The following ARHGAP15 variants were observed in gnomAD, a reference collection of about 807,000 sequenced individuals.
The protein encoded by ARHGAP15 is rho GTPase-activating protein 15.
In ARHGAP15, 51 loss-of-function variants were observed where a neutral mutation model predicts 63.7. That is an observed-to-expected ratio of 0.80 (90% confidence interval 0.64 to 1.01). The LOEUF (loss-of-function observed/expected upper bound fraction) is 1.01, where lower values mean the gene tolerates loss of function less well. Ranked by LOEUF, ARHGAP15 falls within the 50% of genes least tolerant of loss-of-function variation. The pLI is 0.00. For missense variants in ARHGAP15, 560 were observed against 564.6 expected (o/e 0.99, Z 0.08); for synonymous variants, 191 against 193.8 (o/e 0.99, Z 0.12).
At chr2:143,534,549 A>C (rs35211584) in intron 10 of ARHGAP15, among the ~76,000 whole-genome samples, 1 of 151,594 alleles carries the variant, frequency 6.6e-6, no homozygotes, top group African/African-American at 2.4e-5. Context: ...GGAGAATGCC[A>C]TGAAATATTC....
At chr2:143,696,288 A>AAGAT (rs1366584441) in intron 12 of ARHGAP15, among the ~76,000 whole-genome samples, 1 of 151,928 alleles carries the variant, frequency 6.6e-6, no homozygotes, top group Non-Finnish European at 1.5e-5. Context: ...GTAAAATGAA[A>AAGAT]AGATAGCAAC....
At chr2:143,266,660 GAT>G (rs1204560123) in intron 6 of ARHGAP15, among the ~76,000 whole-genome samples, 1 of 152,010 alleles carries the variant, frequency 6.6e-6, no homozygotes, top group Non-Finnish European at 1.5e-5. Flanking sequence ...GAGACAGAGA[GAT>G]AGAGTTCTCC....
At position 143,521,461 on chromosome 2, in the gene ARHGAP15, ATAAT is replaced by A. The variant is rs548545079; in HGVS notation, c.925+2099_925+2102del. Among the ~76,000 whole-genome samples the A allele has an allele frequency of 9.5e-4, 144 of 152,316 alleles. 1 individual carries two copies. Among genetic ancestry groups the A allele is most frequent in the Middle Eastern group, 6.8e-3 (2 of 294 alleles). On this transcript the variant is annotated intron_variant, in intron 10 of 13. Transcript: ENST00000295095. ...TGGCATAAAGCATTTCAGGACAGAA[ATAAT>A]TTATGTGAATCTAAGTCCAATGTTT...
At chr2:143,324,277 T>C (rs1005198717) in intron 6 of ARHGAP15, among the ~76,000 whole-genome samples, 4 of 152,240 alleles carry the variant, frequency 2.6e-5, no homozygotes, top group African/African-American at 7.2e-5. Context: ...CATTTTGTTT[T>C]TCTAACATTT....
At chr2:143,316,744 T>C (rs1019643587) in intron 6 of ARHGAP15, among the ~76,000 whole-genome samples, 4 of 151,982 alleles carry the variant, frequency 2.6e-5, no homozygotes, top group Non-Finnish European at 5.9e-5. Context: ...ACTATAAGTA[T>C]CAAACAATCT....
chr2:143,733,134 C>T (rs1312859025), intron 13 of ARHGAP15, among the ~76,000 whole-genome samples: 17 of 152,106 alleles, frequency 1.1e-4, no homozygotes, highest in Admixed American at 1.1e-3. Context: ...TTCATGGGAA[C>T]AAACTTAGGT....
intron 6 of ARHGAP15, among the ~76,000 whole-genome samples, chr2:143,363,003 T>A (rs569384502): frequency 6.6e-6 from 1 of 152,342 alleles, no homozygotes; most frequent in South Asian, 2.1e-4. Context: ...AATGTGTAAA[T>A]GAAGTCAAGC....
intron 13 of ARHGAP15, among the ~76,000 whole-genome samples, chr2:143,764,748 C>G (rs1271328152): frequency 2.0e-5 from 3 of 152,138 alleles, no homozygotes; most frequent in African/African-American, 7.2e-5. Context: ...TCCCAGATAC[C>G]TTAATCTCAC....
intron 9 of ARHGAP15, among the ~76,000 whole-genome samples, chr2:143,490,829 T>C (rs1015867793): frequency 4.6e-5 from 7 of 152,112 alleles, no homozygotes; most frequent in African/African-American, 1.4e-4. Flanking sequence ...GGTTTTGCCA[T>C]GTTGGCCAGG....
chr2:143,391,203 C>A (rs1304290172), intron 6 of ARHGAP15, among the ~76,000 whole-genome samples: 1 of 152,170 alleles, frequency 6.6e-6, no homozygotes, highest in Admixed American at 6.5e-5. Flanking sequence ...GCTGCTTAGG[C>A]AGTATGTGGC....
intron 6 of ARHGAP15, among the ~76,000 whole-genome samples, chr2:143,313,744 A>G (rs1252261783): frequency 6.6e-6 from 1 of 152,062 alleles, no homozygotes; most frequent in Non-Finnish European, 1.5e-5. Flanking sequence ...TCAGCTTTGT[A>G]TGTGGCTTTG....
intron 10 of ARHGAP15, among the ~76,000 whole-genome samples, chr2:143,539,630 A>G (rs878912592): frequency 6.6e-6 from 1 of 152,058 alleles, no homozygotes; most frequent in African/African-American, 2.4e-5. Flanking sequence ...CCTTCATTTC[A>G]TTAGGTACCC....
intron 4 of ARHGAP15, among the ~76,000 whole-genome samples, chr2:143,220,860 G>T (rs2105154283): frequency 6.6e-6 from 1 of 152,090 alleles, no homozygotes; most frequent in African/African-American, 2.4e-5. Context: ...CAAGCACTTG[G>T]CTGAATTCTT....
chr2:143,413,966 T>TGTGTGTGTGTGCGCGCGCGCGCGC, intron 6 of ARHGAP15, among the ~76,000 whole-genome samples: 51 of 117,920 alleles, frequency 4.3e-4, no homozygotes, highest in Middle Eastern at 4.0e-3. Flanking sequence ...TGTGTGTGTG[T>TGTGTGTGTGTGCGCGCGCGCGCGC]GCGCGCTCTC....
At chr2:143,552,258 C>T (rs1476527230) in intron 10 of ARHGAP15, among the ~76,000 whole-genome samples, 1 of 152,182 alleles carries the variant, frequency 6.6e-6, no homozygotes, top group Non-Finnish European at 1.5e-5. Context: ...GGACACACCA[C>T]TCAACCAGGC....
chr2:143,180,095 TACC>T (rs886960863), intron 2 of ARHGAP15, among the ~76,000 whole-genome samples: 5 of 152,338 alleles, frequency 3.3e-5, no homozygotes, highest in African/African-American at 9.6e-5. Context: ...CAGTGAAGTT[TACC>T]ACATTGGTTG....
intron 6 of ARHGAP15, among the ~76,000 whole-genome samples, chr2:143,398,776 A>AT (rs11413032): frequency 0.99 from 146,899 of 148,932 alleles, 72,466 homozygotes; most frequent in Non-Finnish European, 1. Context: ...AAAAATCCTC[A>AT]TTTTTTTTTT....
chr2:143,484,314 C>T (rs1030065579), intron 8 of ARHGAP15, among the ~76,000 whole-genome samples: 6 of 147,096 alleles, frequency 4.1e-5, no homozygotes, highest in Admixed American at 2.1e-4. Context: ...TGCAGTGAGC[C>T]GAGATCGCAC....
At chr2:143,710,944 A>C (rs1574872858) in intron 13 of ARHGAP15, among the ~76,000 whole-genome samples, 1 of 152,370 alleles carries the variant, frequency 6.6e-6, no homozygotes, top group South Asian at 2.1e-4. Context: ...TTCTACCTAC[A>C]AATTCCTTCA....
Sources: allele counts gnomAD v4.1 joint callset (sites outside exome capture counted in the v4.1 genomes callset), GRCh38; gene constraint gnomAD v4.1.1; transcripts MANE v1.5; gene names NCBI Gene and HGNC (gene_info 2026-07-23, HGNC 2026-07-21).